LCNL1: variants seen among roughly 807,000 people sequenced by gnomAD.
LCNL1 encodes lipocalin like 1, also known as lipocalin-like 1 protein.
Under a neutral mutation model 7.9 loss-of-function variants are expected in LCNL1, and 11 were observed. The observed-to-expected ratio is 1.40, with a 90% confidence interval of 0.88 to 2.32. The LOEUF is 2.32. Ranked by LOEUF, LCNL1 falls within the 30% of genes most tolerant of loss-of-function variation. The pLI is 0.00. For synonymous variants in LCNL1, 90 were observed against 92.5 expected (o/e 0.97, Z 0.15); for missense variants, 218 against 217.0 (o/e 1.00, Z -0.03).
chr9:136,984,594 G>C (rs376489063), intron 2 of LCNL1, 31 bp downstream of exon 2: 26 of 1,537,358 alleles, frequency 1.7e-5, no homozygotes, highest in Non-Finnish European at 2.3e-5. Flanking sequence ...GGGCTGTGGC[G>C]TGGGGGCCCT....
In LCNL1 at chr9:136,984,918, TG is replaced by T; in HGVS notation, c.404del (p.Gly135GlufsTer74). 1 of 1,553,918 alleles carries T rather than the reference TG, an allele frequency of 6.4e-7. No homozygotes were observed. Among genetic ancestry groups the T allele is most frequent in the Non-Finnish European group, 8.7e-7 (1 of 1,149,166 alleles). On this transcript the variant is annotated frameshift_variant, in exon 3 of 3. Transcript: ENST00000408973. LOFTEE classifies it low-confidence loss of function (END_TRUNC). ...ACCAGCCCTTTCTGCACGCGGAAGG[TG>T]GAACCGCTGGCTCCTGGTGTCTGTG... ...LHQPFLHAEGGTAGSWCLWPR... is the reference protein window; with the variant it reads ...LHQPFLHAEGXTAGSWCLWPR...
At position 136,984,935 on chromosome 9, in the gene LCNL1, G is replaced by C. The variant is rs1000654865; in HGVS notation, c.419G>C (p.Trp140Ser). The C allele has an allele frequency of 1.3e-6, 2 of 1,550,942 alleles. No individual in the cohort carries two copies. Among genetic ancestry groups the C allele is most frequent in the Non-Finnish European group, 1.7e-6 (2 of 1,148,234 alleles). The change falls in exon 3 of 3, where the codon TGG (tryptophan) becomes TCG (serine). Residue 140 changes from tryptophan (W) to serine (S), a missense_variant. Coordinates refer to ENST00000408973, the MANE Select transcript of LCNL1 (RefSeq NM_207510.4). Reference protein sequence around the residue: ...LHAEGGTAGSWCLWPRVPAPP... With the variant: ...LHAEGGTAGSSCLWPRVPAPP... ...GCGGAAGGTGGAACCGCTGGCTCCT[G>C]GTGTCTGTGGCCGCGGGTCCCGGCC...
chr9:136,983,323 C>T lies in LCNL1; in HGVS notation c.-264C>T. 2.3e-6 allele frequency: 1 copy of T among 443,398 alleles called. No homozygotes were observed. The allele number at this position is 443,398 out of a possible 1,614,324, so 27.5% of individuals were successfully genotyped here. Reference sequence around the variant, plus strand: ...CCACCCACCCCACAAAGACCTGTGACCTTGCCACAGCCCCACCCATCCAGC... The same window carrying T: ...CCACCCACCCCACAAAGACCTGTGATCTTGCCACAGCCCCACCCATCCAGC... On this transcript the variant is annotated 5_prime_UTR_variant, in exon 1 of 3. Transcript: ENST00000408973.
chr9:136,984,524 T>C lies in LCNL1; in HGVS notation c.157T>C (p.Phe53Leu). 1 of 1,572,618 alleles carries C rather than the reference T, an allele frequency of 6.4e-7. No individual in the cohort carries two copies. Among genetic ancestry groups the C allele is most frequent in the East Asian group, 2.3e-5 (1 of 43,216 alleles). The part of the protein sequence containing the change: ...HGGCQKMDTT[F>L]TEGAVPGQFS... ...CGGGTGCCAGAAAATGGACACGACC[T>C]TCACCGAGGGTGCTGTACCGGGGCA... is the stretch of plus-strand genomic sequence containing the variant. The change falls in exon 2 of 3, where the codon TTC (phenylalanine) becomes CTC (leucine). Residue 53 changes from phenylalanine (F) to leucine (L), a missense_variant. Physicochemically the swap from Phe to Leu is conservative, Grantham distance 22 (BLOSUM62 0). Transcript: ENST00000408973.
intron 1 of LCNL1, chr9:136,984,064 GTGTA>G (rs1208958412): frequency 2.4e-6 from 1 of 413,782 alleles, no homozygotes; most frequent in South Asian, 3.4e-5. Flanking sequence ...ACCTCTGAGT[GTGTA>G]TGTGTGTATC....
At position 136,983,572 on chromosome 9, in the gene LCNL1, C is replaced by T. The variant is rs1181064558; in HGVS notation, c.-15C>T. On this transcript the variant is annotated 5_prime_UTR_variant, in exon 1 of 3. Coordinates refer to ENST00000408973, the MANE Select transcript of LCNL1 (RefSeq NM_207510.4). ...CTTCCCTGCACTTGCCCTGCAGTTC[C>T]AGGGCACCTGGTACATGGTCGGGGT... 6.2e-7 allele frequency: 1 copy of T among 1,611,632 alleles called. No individual in the cohort carries two copies. The highest frequency in any genetic ancestry group is 1.7e-5 in the Admixed American group (1 of 59,962).
chr9:136,984,566 G>A lies in LCNL1; in HGVS notation c.196+3G>A. 6.4e-7 allele frequency: 1 copy of A among 1,566,268 alleles called. No individual in the cohort carries two copies. Among genetic ancestry groups the A allele is most frequent in the South Asian group, 1.2e-5 (1 of 85,322 alleles). ...ACCGGGGCAGTTCAGCAACCCAGGT[G>A]AGGTGGGGCAGCAGGCAGGGCTGTG... On this transcript the variant is annotated splice_donor_region_variant and intron_variant, in intron 2 of 2. Coordinates refer to ENST00000408973, the MANE Select transcript of LCNL1 (RefSeq NM_207510.4).
In LCNL1 at chr9:136,984,612, G is replaced by T. The variant is rs367591386; in HGVS notation, c.196+49G>T. 36 of 1,518,424 alleles carry T rather than the reference G, an allele frequency of 2.4e-5. No homozygotes were observed. In the African/African-American group the frequency reaches 3.6e-4, roughly 15 times the overall value. 94.1% of individuals were successfully genotyped at this position (1,518,424 alleles called of 1,614,324 possible). On this transcript the variant is annotated intron_variant, in intron 2 of 2. Coordinates refer to ENST00000408973, the MANE Select transcript of LCNL1 (RefSeq NM_207510.4). ...CTGTGGCGTGGGGGCCCTGGAGGCT[G>T]CATGGACTGCTGGATTGGCACCTGG...
At position 136,984,485 on chromosome 9, in the gene LCNL1, C is replaced by A; in HGVS notation, c.123-5C>A. 6.4e-7 allele frequency: 1 copy of A among 1,562,288 alleles called. No homozygotes were observed. The highest frequency in any genetic ancestry group is 1.2e-5 in the South Asian group (1 of 84,352). On this transcript the variant is annotated splice_region_variant and splice_polypyrimidine_tract_variant and intron_variant, in intron 1 of 2. Transcript: ENST00000408973. ...ACTCAGGGGATTGGGGCTCTTTCTC[C>A]CCAGGCCCCATGGCGGGTGCCAGAA...
Position 136,984,577 on chromosome 9 carries a change from G to A in LCNL1, c.196+14G>A. The A allele has an allele frequency of 6.4e-7, 1 of 1,554,662 alleles. No individual in the cohort carries two copies. The highest frequency in any genetic ancestry group is 8.7e-7 in the Non-Finnish European group (1 of 1,148,618). ...TCAGCAACCCAGGTGAGGTGGGGCAGCAGGCAGGGCTGTGGCGTGGGGGCC... is the reference window on the plus strand; with the variant it reads ...TCAGCAACCCAGGTGAGGTGGGGCAACAGGCAGGGCTGTGGCGTGGGGGCC... On this transcript the variant is annotated intron_variant, in intron 2 of 2. Coordinates refer to ENST00000408973, the MANE Select transcript of LCNL1 (RefSeq NM_207510.4).
intron 1 of LCNL1, chr9:136,983,982 ATG>A: frequency 2.1e-6 from 1 of 474,792 alleles, no homozygotes; most frequent in South Asian, 2.5e-5. Context: ...GTCTCTGTGT[ATG>A]TGTGTCTATT....
rs1830464286 is a variant in LCNL1 at position 136,983,477 on chromosome 9, G to T, written c.-110G>T. ...GATGTGTACAGCAGCCCCTGCCGTG[G>T]CCAGGAAGCAGCTGTGTCGGGGCAG... On this transcript the variant is annotated 5_prime_UTR_variant, in exon 1 of 3. Transcript: ENST00000408973. The T allele has an allele frequency of 7.2e-7, 1 of 1,386,760 alleles. No individual in the cohort carries two copies. Among genetic ancestry groups the T allele is most frequent in the Non-Finnish European group, 1.0e-6 (1 of 986,888 alleles). The allele number at this position is 1,386,760 out of a possible 1,614,324, so 85.9% of individuals were successfully genotyped here.
Position 136,985,138 on chromosome 9 carries a change from G to T in LCNL1, c.*127G>T. 1.0e-6 allele frequency: 1 copy of T among 997,964 alleles called. No individual in the cohort carries two copies. Among genetic ancestry groups the T allele is most frequent in the South Asian group, 1.7e-5 (1 of 57,944 alleles). 61.8% of individuals were successfully genotyped at this position (997,964 alleles called of 1,614,324 possible). On this transcript the variant is annotated 3_prime_UTR_variant, in exon 3 of 3. Coordinates refer to ENST00000408973, the MANE Select transcript of LCNL1 (RefSeq NM_207510.4). ...CAGGGCGTCCTGCTGCCGAAGTCGGGTGAGCGGTGCCGGCAGCCCTGCTGG... is the reference window on the plus strand; with the variant it reads ...CAGGGCGTCCTGCTGCCGAAGTCGGTTGAGCGGTGCCGGCAGCCCTGCTGG...
At position 136,983,165 on chromosome 9, in the gene LCNL1, C is replaced by T. The variant is rs1170148546; in HGVS notation, c.-422C>T. 5 of 197,030 alleles carry T rather than the reference C, an allele frequency of 2.5e-5. No homozygotes were observed. The highest frequency in any genetic ancestry group is 4.8e-4 in the Middle Eastern group (1 of 2,084). The allele number at this position is 197,030 out of a possible 1,614,324, so 12.2% of individuals were successfully genotyped here. On this transcript the variant is annotated 5_prime_UTR_variant, in exon 1 of 3. Transcript: ENST00000408973. ...AGGGGCAGGGGAAACCCCCACCTCACCCGCTCCGTCTGACTGGAGTAGGGG... is the reference window on the plus strand; with the variant it reads ...AGGGGCAGGGGAAACCCCCACCTCATCCGCTCCGTCTGACTGGAGTAGGGG...
chr9:136,985,036 C>T lies in LCNL1; in HGVS notation c.*25C>T. On this transcript the variant is annotated 3_prime_UTR_variant, in exon 3 of 3. Coordinates refer to ENST00000408973, the MANE Select transcript of LCNL1 (RefSeq NM_207510.4). The stretch of plus-strand genomic sequence containing the variant: ...GCTTACCCGCCCTCCCCACCTTCAG[C>T]TCGAGCGCCCGAGCTGTTTCCCGAA... 6.9e-7 allele frequency: 1 copy of T among 1,444,758 alleles called. No homozygotes were observed. Among genetic ancestry groups the T allele is most frequent in the East Asian group, 2.8e-5 (1 of 35,602 alleles). The allele number at this position is 1,444,758 out of a possible 1,614,324, so 89.5% of individuals were successfully genotyped here.
At position 136,984,963 on chromosome 9, in the gene LCNL1, TC is replaced by T; in HGVS notation, c.450del (p.Cys151AlafsTer58). 6.5e-7 allele frequency: 1 copy of T among 1,546,704 alleles called. No homozygotes were observed. The highest frequency in any genetic ancestry group is 8.7e-7 in the Non-Finnish European group (1 of 1,144,760). On this transcript the variant is annotated frameshift_variant, in exon 3 of 3. Transcript: ENST00000408973. LOFTEE classifies it low-confidence loss of function (END_TRUNC). ...WCLWPRVPAPPCPSLPLFAPP... is the reference protein window; with the variant it reads ...WCLWPRVPAPXCPSLPLFAPP... ...GTCTGTGGCCGCGGGTCCCGGCCCCTCCCTGCCCCTCTCTCCCTCTCTTCGC... is the reference window on the plus strand; with the variant it reads ...GTCTGTGGCCGCGGGTCCCGGCCCCTCCTGCCCCTCTCTCCCTCTCTTCGC...
Position 136,985,242 on chromosome 9 carries a change from A to G in LCNL1, c.*231A>G. On this transcript the variant is annotated 3_prime_UTR_variant, in exon 3 of 3. Transcript: ENST00000408973. ...CCACTGATCTCAGATTCGGGACAGA[A>G]GTGCCCGGGGCAGACCCAGCCTGTC... is the stretch of plus-strand genomic sequence containing the variant. 2.0e-6 allele frequency: 1 copy of G among 502,036 alleles called. No homozygotes were observed. The highest frequency in any genetic ancestry group is 3.5e-6 in the Non-Finnish European group (1 of 286,218). 31.1% of individuals were successfully genotyped at this position (502,036 alleles called of 1,614,324 possible).
Position 136,984,715 on chromosome 9 carries a change from A to G in LCNL1, c.199A>G (p.Met67Val). Residue 67 changes from methionine to valine, a missense_variant and splice_region_variant, in exon 3 of 3, where the codon ATG (methionine) becomes GTG (valine). Met to Val is a conservative substitution (Grantham distance 21). Coordinates refer to ENST00000408973, the MANE Select transcript of LCNL1 (RefSeq NM_207510.4). ...AVPGQFSNPA[M>V]ALSDIRVAFS... ...GTCAGCGGCTCTCGCTCCTCCAGCC[A>G]TGGCCCTGAGTGACATCCGAGTGGC... 6.6e-7 allele frequency: 1 copy of G among 1,524,018 alleles called. No individual in the cohort carries two copies. The highest frequency in any genetic ancestry group is 8.8e-7 in the Non-Finnish European group (1 of 1,131,930). The allele number at this position is 1,524,018 out of a possible 1,614,324, so 94.4% of individuals were successfully genotyped here.
At position 136,984,895 on chromosome 9, in the gene LCNL1, C is replaced by G; in HGVS notation, c.379C>G (p.Gln127Glu). ...TGGGATGTCACCCCTGTGCCTGCAC[C>G]AGCCCTTTCTGCACGCGGAAGGTGG... ...GSGMSPLCLH[Q>E]PFLHAEGGTA... is the part of the protein sequence containing the mutation. The change falls in exon 3 of 3, where the codon CAG (glutamine) becomes GAG (glutamate). Residue 127 changes from glutamine to glutamate, a missense_variant. Physicochemically the swap from Gln to Glu is conservative, Grantham distance 29. Coordinates refer to ENST00000408973, the MANE Select transcript of LCNL1 (RefSeq NM_207510.4). 1 of 1,557,992 alleles carries G rather than the reference C, an allele frequency of 6.4e-7. No homozygotes were observed. Among genetic ancestry groups the G allele is most frequent in the Non-Finnish European group, 8.7e-7 (1 of 1,150,844 alleles).
Sources: allele counts gnomAD v4.1 joint callset, GRCh38; gene constraint gnomAD v4.1.1; transcripts MANE v1.5; gene names NCBI Gene and HGNC (gene_info 2026-07-23, HGNC 2026-07-21).